The following PHACTR1 variants were observed in gnomAD, a reference collection of about 807,000 sequenced individuals.
The protein encoded by PHACTR1 is RPEL repeat containing 1.
Under a neutral mutation model 69.2 loss-of-function variants are expected in PHACTR1, and 16 were observed. The ratio of observed to expected loss-of-function variants is 0.23; its 90% CI spans 0.16 to 0.35. The LOEUF (loss-of-function observed/expected upper bound fraction) is 0.35, where lower values mean the gene tolerates loss of function less well. Ranked by LOEUF, PHACTR1 falls within the 10% of genes least tolerant of loss-of-function variation. PHACTR1 has a pLI of 1.00. For synonymous variants in PHACTR1, 312 were observed against 284.5 expected (o/e 1.10, Z -0.97); for missense variants, 510 against 734.7 (o/e 0.69, Z 3.54).
chr6:12,853,412 C>T lies in PHACTR1; in HGVS notation c.250+103622C>T, dbSNP rs906071962. Among the ~76,000 whole-genome samples the T allele has an allele frequency of 2.6e-5, 4 of 152,212 alleles. 1 individual carries two copies. The highest frequency in any genetic ancestry group is 9.6e-5 in the African/African-American group (4 of 41,530). On this transcript the variant is annotated intron_variant, in intron 4 of 14. Transcript: ENST00000332995. ...TTTGTTAACTCTGGTTGGCATGTCACGTCATGAGTCAAGACAATTTTTTAA... is the reference window on the plus strand; with the variant it reads ...TTTGTTAACTCTGGTTGGCATGTCATGTCATGAGTCAAGACAATTTTTTAA...
chr6:12,968,847 T>G (rs187907818), intron 4 of PHACTR1, among the ~76,000 whole-genome samples: 1 of 152,224 alleles, frequency 6.6e-6, no homozygotes, highest in African/African-American at 2.4e-5. Flanking sequence ...TGCTTTTTGA[T>G]GATCTGATAG....
intron 4 of PHACTR1, among the ~76,000 whole-genome samples, chr6:12,937,830 G>A (rs150568209): frequency 4.1e-4 from 63 of 152,316 alleles, no homozygotes; most frequent in African/African-American, 1.2e-3. Flanking sequence ...GCTGGGCTCC[G>A]TGGCTCAGGC....
At chr6:13,182,835 G>C in intron 7 of PHACTR1, 149 bp downstream of exon 7, 1 of 692,590 alleles carries the variant, frequency 1.4e-6, no homozygotes, top group East Asian at 3.0e-5. Flanking sequence ...TTAGTTTTTA[G>C]TACATACTGA....
At chr6:13,222,774 TGG>T (rs983097007) in intron 8 of PHACTR1, among the ~76,000 whole-genome samples, 2 of 152,162 alleles carry the variant, frequency 1.3e-5, no homozygotes, top group Admixed American at 1.3e-4. Context: ...TGGCATCTGG[TGG>T]GCAGAGGCCA....
chr6:12,719,180 C>A (rs1761786295), intron 3 of PHACTR1, among the ~76,000 whole-genome samples: 1 of 152,342 alleles, frequency 6.6e-6, no homozygotes, highest in East Asian at 1.9e-4. Context: ...TTCCAGTTTG[C>A]AGCCACAGCT....
At chr6:13,063,889 G>C (rs1808086407) in intron 5 of PHACTR1, among the ~76,000 whole-genome samples, 1 of 152,180 alleles carries the variant, frequency 6.6e-6, no homozygotes, top group Non-Finnish European at 1.5e-5. Flanking sequence ...AGGGTCTTAT[G>C]AGGTATGTTA....
At chr6:12,932,575 TAC>T (rs1356957237) in intron 4 of PHACTR1, among the ~76,000 whole-genome samples, 1 of 152,234 alleles carries the variant, frequency 6.6e-6, no homozygotes, top group Non-Finnish European at 1.5e-5. Flanking sequence ...ATTGTTTGTA[TAC>T]ACAAAGACGC....
chr6:12,889,844 T>C, intron 4 of PHACTR1, among the ~76,000 whole-genome samples: 1 of 146,336 alleles, frequency 6.8e-6, no homozygotes, highest in East Asian at 2.1e-4. Context: ...AGAGATAGAT[T>C]GGAGTCAAGC....
At chr6:12,933,593 G>A (rs762774195) in intron 4 of PHACTR1, 2 of 1,606,548 alleles carry the variant, frequency 1.2e-6, no homozygotes, top group South Asian at 1.1e-5. Flanking sequence ...ATCTGACCTG[G>A]GCTCACACCT....
At chr6:13,157,528 A>G (rs1246194276) in intron 5 of PHACTR1, among the ~76,000 whole-genome samples, 1 of 152,220 alleles carries the variant, frequency 6.6e-6, no homozygotes, top group African/African-American at 2.4e-5. Flanking sequence ...TGATGTCCAG[A>G]TGGCTGAGTG....
At chr6:13,158,378 C>T (rs550811697) in intron 5 of PHACTR1, among the ~76,000 whole-genome samples, 2 of 152,304 alleles carry the variant, frequency 1.3e-5, no homozygotes, top group East Asian at 3.9e-4. Context: ...CTGCACCCAG[C>T]TTTCCCCCTT....
At chr6:12,889,787 C>CT (rs1447044399) in intron 4 of PHACTR1, among the ~76,000 whole-genome samples, 2 of 136,980 alleles carry the variant, frequency 1.5e-5, no homozygotes, top group African/African-American at 2.7e-5. Context: ...CCTCCTCCTT[C>CT]TCCTTCTTCC....
At chr6:12,812,215 T>G (rs1775096323) in intron 4 of PHACTR1, among the ~76,000 whole-genome samples, 1 of 152,224 alleles carries the variant, frequency 6.6e-6, no homozygotes, top group African/African-American at 2.4e-5. Context: ...TGCAGATTAC[T>G]TATTCTGGAC....
chr6:12,780,597 G>A (rs535662607), intron 4 of PHACTR1, among the ~76,000 whole-genome samples: 2 of 152,200 alleles, frequency 1.3e-5, no homozygotes, highest in South Asian at 2.1e-4. Flanking sequence ...AGTACACATC[G>A]CTAATACCTC....
rs191080448 is a variant in PHACTR1, at chr6:12,803,514, G to A, written c.250+53724G>A. Among the ~76,000 whole-genome samples the A allele has an allele frequency of 1.5e-3, 226 of 152,314 alleles. 1 individual carries two copies. Among genetic ancestry groups the A allele is most frequent in the Non-Finnish European group, 2.5e-3 (167 of 68,030 alleles). ...GCCAAAACCATGCTACTCTCAAGCA[G>A]CCTCACCTTACACTATACTTCTTGC... On this transcript the variant is annotated intron_variant, in intron 4 of 14. Coordinates refer to ENST00000332995, the MANE Select transcript of PHACTR1 (RefSeq NM_030948.6).
At chr6:12,718,661 C>G in intron 2 of PHACTR1, 38 bp from the exon 3 acceptor site, 2 of 587,692 alleles carry the variant, frequency 3.4e-6, no homozygotes, top group Non-Finnish European at 5.9e-6. Flanking sequence ...TTATACTTGA[C>G]GTCTAAAATA....
chr6:12,991,182 G>T (rs1796781076), intron 4 of PHACTR1, among the ~76,000 whole-genome samples: 1 of 152,136 alleles, frequency 6.6e-6, no homozygotes, highest in East Asian at 1.9e-4. Context: ...TTCCAGGAGG[G>T]TAGGCTGCCA....
chr6:13,263,246 T>G (rs1011136397), intron 10 of PHACTR1, among the ~76,000 whole-genome samples: 7 of 126,306 alleles, frequency 5.5e-5, no homozygotes, highest in South Asian at 2.3e-4. Context: ...GTGTTTTTTT[T>G]TTTTTTTTTT....
intron 5 of PHACTR1, among the ~76,000 whole-genome samples, chr6:13,127,092 G>T (rs1490110944): frequency 6.6e-6 from 1 of 152,182 alleles, no homozygotes; most frequent in African/African-American, 2.4e-5. Context: ...AAGGTAAAGC[G>T]GTTTGGGCTA....
Sources: gnomAD v4.1 joint callset for allele counts (sites outside exome capture counted in the v4.1 genomes callset) on GRCh38, gnomAD v4.1.1 for gene constraint, MANE v1.5 for transcripts, NCBI Gene and HGNC (gene_info 2026-07-23, HGNC 2026-07-21) for gene names.